CLOCK: variants seen among roughly 807,000 people sequenced by gnomAD.
CLOCK encodes the protein clock circadian regulator.
CLOCK carries 43 observed loss-of-function variants against 118.4 expected under a neutral mutation model. The ratio of observed to expected loss-of-function variants is 0.36; its 90% confidence interval spans 0.28 to 0.47. CLOCK has a LOEUF of 0.47. Ranked by LOEUF, CLOCK falls within the 20% of genes least tolerant of loss-of-function variation. The probability of loss-of-function intolerance (pLI) is 1.00; values close to 1 mark genes in which losing one functional copy is unlikely to be tolerated. For synonymous variants in CLOCK, 326 were observed against 339.2 expected, an observed-to-expected ratio of 0.96 and a Z score of 0.43; for missense variants, 846 against 999.9, an observed-to-expected ratio of 0.85 and a Z score of 2.08.
rs1410851623 is a variant in CLOCK at position 55,434,070 on chromosome 4, T to C, written c.*1345A>G. Reference sequence around the variant, plus strand: ...CCAGTCCAAGAGACTGATAGCAGTCTTCAGAGGAACTTATTAGGAGACTAA... The same window carrying C: ...CCAGTCCAAGAGACTGATAGCAGTCCTCAGAGGAACTTATTAGGAGACTAA... On this transcript the variant is annotated 3_prime_UTR_variant, in exon 23 of 23. Coordinates refer to ENST00000513440, the MANE Select transcript of CLOCK (RefSeq NM_004898.4). 5 of 152,640 alleles carry C rather than the reference T, an allele frequency of 3.3e-5. No homozygotes were observed. The highest frequency in any genetic ancestry group is 1.2e-4 in the African/African-American group (5 of 41,456). 9.5% of individuals were successfully genotyped at this position (152,640 alleles called of 1,614,324 possible). A position where few individuals can be genotyped will look rare whatever the true frequency, so the allele number is the denominator to read the frequency against.
intron 1 of CLOCK, among the ~76,000 whole-genome samples, chr4:55,544,244 G>C (rs182043173): frequency 6.6e-6 from 1 of 151,714 alleles, no homozygotes; most frequent in East Asian, 1.9e-4. Flanking sequence ...TTCCTCAAAA[G>C]AAAGAAAAGT....
intron 2 of CLOCK, among the ~76,000 whole-genome samples, chr4:55,496,200 A>C (rs1728070160): frequency 6.6e-6 from 1 of 152,096 alleles, no homozygotes; most frequent in Non-Finnish European, 1.5e-5. Flanking sequence ...AAAAAAAAAG[A>C]AACAATCAAA....
chr4:55,469,761 G>A (rs1391873035), intron 8 of CLOCK, among the ~76,000 whole-genome samples: 1 of 152,208 alleles, frequency 6.6e-6, no homozygotes, highest in Non-Finnish European at 1.5e-5. Context: ...AGGCTGGAGT[G>A]CAGTGGCACC....
chr4:55,502,624 A>T (rs1175161661), intron 2 of CLOCK, among the ~76,000 whole-genome samples: 1 of 152,196 alleles, frequency 6.6e-6, no homozygotes, highest in Non-Finnish European at 1.5e-5. Flanking sequence ...AGGGTAGGCA[A>T]AGATTTCTTA....
chr4:55,453,365 G>A, intron 14 of CLOCK: 1 of 494,792 alleles, frequency 2.0e-6, no homozygotes, highest in Non-Finnish European at 3.6e-6. Context: ...CTTAAATTAA[G>A]AAAAATAAAT....
intron 5 of CLOCK, 78 bp downstream of exon 5, chr4:55,479,562 C>T: frequency 8.3e-7 from 1 of 1,206,276 alleles, no homozygotes; most frequent in Admixed American, 1.8e-5. Context: ...TTTTGGAAAT[C>T]ATTTATTCAC....
At chr4:55,456,607 A>G (rs1266368684) in intron 11 of CLOCK, among the ~76,000 whole-genome samples, 2 of 148,712 alleles carry the variant, frequency 1.3e-5, no homozygotes, top group Non-Finnish European at 3.0e-5. Flanking sequence ...GGTTAAATAA[A>G]TACATAAATA....
chr4:55,503,113 AG>A (rs1728543220), intron 2 of CLOCK, among the ~76,000 whole-genome samples: 1 of 152,236 alleles, frequency 6.6e-6, no homozygotes, highest in African/African-American at 2.4e-5. Context: ...CTAAACAGCC[AG>A]ATACCTTAAG....
rs143163173 is a variant in CLOCK, at chr4:55,482,058, T to C, written c.47+681A>G. 6.5e-3 allele frequency among the ~76,000 whole-genome samples: 995 copies of C among 152,312 alleles called. 9 individuals are homozygous for C. The highest frequency in any genetic ancestry group is 0.023 in the African/African-American group (945 of 41,576). ...CTACCAATTAAATTATGATAAGAGA[T>C]GCTAAAATGTAAAAAACAAAGACAA... On this transcript the variant is annotated intron_variant, in intron 4 of 22. Coordinates refer to ENST00000513440, the MANE Select transcript of CLOCK (RefSeq NM_004898.4).
chr4:55,542,721 C>T (rs2110125064), intron 1 of CLOCK, among the ~76,000 whole-genome samples: 1 of 152,142 alleles, frequency 6.6e-6, no homozygotes, highest in South Asian at 2.1e-4. Context: ...TAAATTTTAT[C>T]CAAGTCAGTA....
At chr4:55,443,560 C>G in intron 20 of CLOCK, 127 bp downstream of exon 20, 2 of 760,348 alleles carry the variant, frequency 2.6e-6, no homozygotes, top group Non-Finnish European at 4.6e-6. Context: ...ACTCTCAATA[C>G]TATACTTTCT....
intron 19 of CLOCK, 107 bp downstream of exon 19, chr4:55,444,520 TGAATTG>T: frequency 7.9e-7 from 1 of 1,264,730 alleles, no homozygotes; most frequent in Non-Finnish European, 1.1e-6. Flanking sequence ...TTTATTGAAC[TGAATTG>T]ATAAAACGTA....
At chr4:55,491,760 A>G (rs910724380) in intron 2 of CLOCK, among the ~76,000 whole-genome samples, 2 of 152,188 alleles carry the variant, frequency 1.3e-5, no homozygotes, top group Admixed American at 1.3e-4. Context: ...GCTATACAAC[A>G]AAGAGAAGAC....
intron 2 of CLOCK, among the ~76,000 whole-genome samples, chr4:55,501,164 C>T (rs1728408161): frequency 6.6e-6 from 1 of 152,106 alleles, no homozygotes; most frequent in Non-Finnish European, 1.5e-5. Context: ...TCCAATGTTA[C>T]TTAATAGCTA....
intron 1 of CLOCK, among the ~76,000 whole-genome samples, chr4:55,526,238 T>C (rs1018508447): frequency 6.6e-6 from 1 of 152,164 alleles, no homozygotes; most frequent in African/African-American, 2.4e-5. Context: ...ACCAAAGTAC[T>C]GAAAGCTACT....
chr4:55,434,568 C>T lies in CLOCK; in HGVS notation c.*847G>A, dbSNP rs915535424. ...GGATATTTCTGAATAACTTGAAAAT[C>T]CTGTTGTATCAATAATTTAACCTGA... On this transcript the variant is annotated 3_prime_UTR_variant, in exon 23 of 23. Coordinates refer to ENST00000513440, the MANE Select transcript of CLOCK (RefSeq NM_004898.4). The T allele has an allele frequency of 1.1e-4, 16 of 149,470 alleles. No individual in the cohort carries two copies. Among genetic ancestry groups the T allele is most frequent in the African/African-American group, 3.4e-4 (14 of 41,048 alleles). The allele number at this position is 149,470 out of a possible 1,614,324, so 9.3% of individuals were successfully genotyped here.
chr4:55,481,918 T>G (rs1726960048), intron 4 of CLOCK, among the ~76,000 whole-genome samples: 1 of 152,194 alleles, frequency 6.6e-6, no homozygotes, highest in Non-Finnish European at 1.5e-5. Flanking sequence ...ATTCTGTACA[T>G]TTGCTGTCAG....
At chr4:55,480,996 A>T (rs1240237326) in intron 4 of CLOCK, among the ~76,000 whole-genome samples, 2 of 152,114 alleles carry the variant, frequency 1.3e-5, no homozygotes, top group African/African-American at 4.8e-5. Flanking sequence ...TCTAAGTGAC[A>T]AGAAGGGGCT....
Position 55,470,821 on chromosome 4 carries a change from AATG to A in CLOCK, c.349-18_349-16del, listed in dbSNP as rs1726093819. On this transcript the variant is annotated splice_polypyrimidine_tract_variant and intron_variant, in intron 7 of 22. Coordinates refer to ENST00000513440, the MANE Select transcript of CLOCK (RefSeq NM_004898.4). Reference sequence around the variant, plus strand: ...CCATCAAGAGCCTGAAATTAAACATAATGATATGTTAAATGAAAAGAAAAAAGT... The same window carrying A: ...CCATCAAGAGCCTGAAATTAAACATAATATGTTAAATGAAAAGAAAAAAGT... 3 of 1,556,556 alleles carry A rather than the reference AATG, an allele frequency of 1.9e-6. No homozygotes were observed. Among genetic ancestry groups the A allele is most frequent in the South Asian group, 1.1e-5 (1 of 87,820 alleles).
Sources: allele counts gnomAD v4.1 joint callset (sites outside exome capture counted in the v4.1 genomes callset), GRCh38; gene constraint gnomAD v4.1.1; transcripts MANE v1.5; gene names NCBI Gene and HGNC (gene_info 2026-07-23, HGNC 2026-07-21).